HAUS6: variants seen among roughly 807,000 people sequenced by gnomAD.
HAUS6 encodes HAUS augmin-like complex subunit 6.
Under a neutral mutation model 106.8 loss-of-function variants are expected in HAUS6, and 80 were observed. The ratio of observed to expected loss-of-function variants is 0.75; its 90% CI spans 0.63 to 0.90. The LOEUF (loss-of-function observed/expected upper bound fraction) is 0.90, where lower values mean the gene tolerates loss of function less well. HAUS6 is among the 40% of genes least tolerant of loss of function. The pLI is 0.00. For synonymous variants in HAUS6, 356 were observed against 379.1 expected, an observed-to-expected ratio of 0.94 and a Z score of 0.71; for missense variants, 1,155 against 1,118.1, an observed-to-expected ratio of 1.03 and a Z score of -0.47.
intron 4 of HAUS6, among the ~76,000 whole-genome samples, chr9:19,092,216 G>T (rs1418387907): frequency 6.6e-6 from 1 of 151,892 alleles, no homozygotes; most frequent in African/African-American, 2.4e-5. Flanking sequence ...CAGCACTTTA[G>T]GAGGCCAAGG....
At chr9:19,087,207 G>A (rs747793217) in intron 5 of HAUS6, 51 bp from the exon 6 acceptor site, 3 of 971,154 alleles carry the variant, frequency 3.1e-6, no homozygotes, top group Non-Finnish European at 5.0e-6. Flanking sequence ...CGATTAATTA[G>A]TATAGCCCAC....
intron 7 of HAUS6, among the ~76,000 whole-genome samples, chr9:19,083,626 C>A (rs1306998957): frequency 1.3e-5 from 2 of 151,760 alleles, no homozygotes; most frequent in Non-Finnish European, 2.9e-5. Context: ...CACGGTGAAA[C>A]CCCGTCTCTA....
chr9:19,095,229 C>G (rs767769896), intron 2 of HAUS6, among the ~76,000 whole-genome samples: 1 of 151,940 alleles, frequency 6.6e-6, no homozygotes, highest in African/African-American at 2.4e-5. Context: ...CAACTTTGGT[C>G]AAAAATATTA....
In HAUS6 at chr9:19,060,350, T is replaced by A. The variant is rs548562352; in HGVS notation, c.1630-127A>T. The A allele has an allele frequency of 1.2e-5, 8 of 677,182 alleles. No individual in the cohort carries two copies. The East Asian group carries it at 2.3e-4, about 19-fold the overall frequency. 41.9% of individuals were successfully genotyped at this position (677,182 alleles called of 1,614,324 possible). On this transcript the variant is annotated intron_variant, in intron 14 of 16. Transcript: ENST00000380502. ...CCTCCCATTGCAGACAACACAAAAA[T>A]AAGCAACAAAGAAGTTCCCCAACAA...
In HAUS6 at chr9:19,063,539, C is replaced by G. The variant is rs766865221; in HGVS notation, c.1418G>C (p.Arg473Thr). Residue 473 changes from arginine to threonine, a missense_variant, in exon 13 of 17, where the codon AGA (arginine) becomes ACA (threonine). By Grantham distance (71) the Arg-to-Thr change is moderately conservative. Around this residue, in one of 3 missense-constraint regions of HAUS6, gnomAD observed 761 missense variants for 690.0 expected, o/e 1.10. Transcript: ENST00000380502. ...FLSQSVSSSDRNSVTVLEKDT... is the reference protein window; with the variant it reads ...FLSQSVSSSDTNSVTVLEKDT... ...CTTTTCAAGTACTGTAACACTGTTT[C>G]TATCTGATGATGAAACTGACTGCGA... 3.1e-6 allele frequency: 5 copies of G among 1,599,956 alleles called. No individual in the cohort carries two copies. The highest frequency in any genetic ancestry group is 3.4e-6 in the Non-Finnish European group (4 of 1,167,266).
Position 19,094,356 on chromosome 9 carries a change from T to C in HAUS6, c.264A>G (p.Glu88=). ...TCCATTCACAGCAATGTTTTCGGAA[T>C]TCAGTGTCACTTTTTTGGTCAAATG... ...WPPFDQKSDT[E]FRKHCCEWIK... The change falls in exon 3 of 17, where the codon GAA becomes GAG. Residue 88 remains glutamate, a synonymous_variant. Transcript: ENST00000380502. 1 of 1,609,540 alleles carries C rather than the reference T, an allele frequency of 6.2e-7. No individual in the cohort carries two copies. The highest frequency in any genetic ancestry group is 8.5e-7 in the Non-Finnish European group (1 of 1,176,610).
chr9:19,059,225 G>T (rs749918133), intron 15 of HAUS6, among the ~76,000 whole-genome samples: 1 of 152,168 alleles, frequency 6.6e-6, no homozygotes, highest in Non-Finnish European at 1.5e-5. Flanking sequence ...AGCTGTTCCT[G>T]AAATATGCAT....
chr9:19,096,979 A>G (rs1441561638), intron 1 of HAUS6, among the ~76,000 whole-genome samples: 2 of 152,326 alleles, frequency 1.3e-5, no homozygotes, highest in East Asian at 1.9e-4. Context: ...CACAGATTCA[A>G]TATAAGACTG....
chr9:19,088,926 T>C lies in HAUS6; in HGVS notation c.584+486A>G, dbSNP rs976266569. 2.6e-5 allele frequency among the ~76,000 whole-genome samples: 4 copies of C among 151,518 alleles called. No individual in the cohort carries two copies. In the South Asian group the frequency reaches 8.3e-4, roughly 32 times the overall value. The stretch of plus-strand genomic sequence containing the variant: ...AGTGATCTTTTCTTTTTCCCTAAAG[T>C]TTTAAAATATTTTAGGCAGAAGTTA... On this transcript the variant is annotated intron_variant, in intron 5 of 16. Coordinates refer to ENST00000380502, the MANE Select transcript of HAUS6 (RefSeq NM_017645.5).
Position 19,058,608 on chromosome 9 carries a change from T to C in HAUS6, c.2159A>G (p.Asn720Ser), listed in dbSNP as rs1172076128. The stretch of plus-strand genomic sequence containing the variant: ...ACTGCCACCCATCACATCTATCCTA[T>C]TGCCGACAGCAGGGGAGAATGTCTC... ...RMETFSPAVG[N>S]RIDVMGGSEE... The change falls in exon 16 of 17, where the codon AAT (asparagine) becomes AGT (serine). Residue 720 changes from asparagine to serine, a missense_variant. By Grantham distance (46) the Asn-to-Ser change is conservative. This residue lies in a region of HAUS6 where 380 missense variants were observed against 394.8 expected (regional missense o/e 0.96). Transcript: ENST00000380502. 2.5e-6 allele frequency: 4 copies of C among 1,605,704 alleles called. No individual in the cohort carries two copies. In the East Asian group the frequency reaches 8.9e-5, roughly 36 times the overall value.
intron 11 of HAUS6, among the ~76,000 whole-genome samples, chr9:19,073,292 T>A (rs778195904): frequency 5.9e-5 from 9 of 152,086 alleles, no homozygotes; most frequent in Non-Finnish European, 1.3e-4. Flanking sequence ...TGAAATATAA[T>A]TCTAAAAAAC....
rs1448205727 is a variant in HAUS6, at chr9:19,053,402, G to A, written c.*2941C>T. The A allele has an allele frequency of 6.6e-6, 1 of 152,094 alleles. No homozygotes were observed. Among genetic ancestry groups the A allele is most frequent in the East Asian group, 1.9e-4 (1 of 5,202 alleles). The allele number at this position is 152,094 out of a possible 1,614,324, so 9.4% of individuals were successfully genotyped here. On this transcript the variant is annotated 3_prime_UTR_variant, in exon 17 of 17. Transcript: ENST00000380502. The stretch of plus-strand genomic sequence containing the variant: ...GAAGATAATAGTCTGCTTTTACACA[G>A]GTCTCCAGAATTCCTGTTTTTCCTT...
intron 10 of HAUS6, 33 bp from the exon 11 acceptor site, chr9:19,076,737 A>G (rs1465655551): frequency 1.2e-5 from 11 of 941,316 alleles, no homozygotes; most frequent in East Asian, 2.4e-5. Flanking sequence ...TTTGAAGTAA[A>G]CATATTTGCT....
At chr9:19,076,909 T>A (rs943490921) in intron 10 of HAUS6, among the ~76,000 whole-genome samples, 1 of 152,176 alleles carries the variant, frequency 6.6e-6, no homozygotes, top group Admixed American at 6.5e-5. Context: ...AGTGACATTA[T>A]CATAGCTCAC....
chr9:19,058,676 C>T lies in HAUS6; in HGVS notation c.2091G>A (p.Leu697=). The part of the protein sequence containing the change: ...LNKKVICKQD[L]ECLAFTKLSE... ...AAAGCTTGGTGAAGGCTAAACATTC[C>T]AAATCTTGCTTGCAAATTACTTTCT... Residue 697 remains leucine, a synonymous_variant, in exon 16 of 17, where the codon TTG becomes TTA. Transcript: ENST00000380502. The T allele has an allele frequency of 6.2e-7, 1 of 1,612,330 alleles. No individual in the cohort carries two copies. Among genetic ancestry groups the T allele is most frequent in the South Asian group, 1.1e-5 (1 of 91,034 alleles).
chr9:19,061,738 G>A (rs1462862816), intron 14 of HAUS6, among the ~76,000 whole-genome samples: 4 of 152,150 alleles, frequency 2.6e-5, no homozygotes, highest in Admixed American at 2.6e-4. Flanking sequence ...GGAAGGCTGA[G>A]GTGGAAGGAT....
At chr9:19,081,173 A>G (rs1837139404) in intron 8 of HAUS6, among the ~76,000 whole-genome samples, 1 of 152,220 alleles carries the variant, frequency 6.6e-6, no homozygotes. Flanking sequence ...ACTAGGAAAG[A>G]GTAACATGCC....
intron 1 of HAUS6, among the ~76,000 whole-genome samples, chr9:19,101,723 C>T (rs1467600305): frequency 6.6e-6 from 1 of 152,126 alleles, no homozygotes; most frequent in African/African-American, 2.4e-5. Flanking sequence ...AGATCGAGAC[C>T]ATCCTGGCCA....
At chr9:19,071,193 T>A (rs773807712) in intron 11 of HAUS6, among the ~76,000 whole-genome samples, 1 of 152,194 alleles carries the variant, frequency 6.6e-6, no homozygotes, top group Non-Finnish European at 1.5e-5. Context: ...TATATACCTA[T>A]GACTACTAAA....
Sources: allele counts gnomAD v4.1 joint callset (sites outside exome capture counted in the v4.1 genomes callset), GRCh38; gene constraint gnomAD v4.1.1; regional missense constraint gnomAD v4.1.1; transcripts MANE v1.5; gene names NCBI Gene and HGNC (gene_info 2026-07-23, HGNC 2026-07-21).